Variants in SOX9 observed in about 807,000 individuals in gnomAD.
SOX9 encodes the protein SRY-box transcription factor 9.
Under a neutral mutation model 44.8 loss-of-function variants are expected in SOX9, and 2 were observed. The observed-to-expected ratio is 0.04, with a 90% CI of 0.02 to 0.14. The LOEUF is 0.14. Among genes scored for constraint, SOX9 ranks in the 10% least tolerant of loss-of-function variants. The probability of loss-of-function intolerance (pLI) is 1.00; values close to 1 mark genes in which losing one functional copy is unlikely to be tolerated. For missense variants in SOX9, 583 were observed against 728.6 expected, an observed-to-expected ratio of 0.80 and a Z score of 2.30; for synonymous variants, 381 against 331.8, an observed-to-expected ratio of 1.15 and a Z score of -1.61.
chr17:72,121,927 C>A lies in SOX9; in HGVS notation c.431+105C>A. On this transcript the variant is annotated intron_variant, in intron 1 of 2. Coordinates refer to ENST00000245479, the MANE Select transcript of SOX9 (RefSeq NM_000346.4). This position sits in a 1 kb window ranked among gnomAD's most constrained non-coding sequence, Gnocchi z 8.3. ...CCGCCTCCCATCGCCCGGGAGTTGC[C>A]GTTCCGGGAGCCGGCGGGATGGGGT... 1 of 1,366,066 alleles carries A rather than the reference C, an allele frequency of 7.3e-7. No individual in the cohort carries two copies. Among genetic ancestry groups the A allele is most frequent in the South Asian group, 1.5e-5 (1 of 66,468 alleles). The allele number at this position is 1,366,066 out of a possible 1,614,324, so 84.6% of individuals were successfully genotyped here. A position where few individuals can be genotyped will look rare whatever the true frequency, so the allele number is the denominator to read the frequency against.
chr17:72,121,057 T>C lies in SOX9; in HGVS notation c.-335T>C. On this transcript the variant is annotated 5_prime_UTR_variant, in exon 1 of 3. Transcript: ENST00000245479. This position sits in a 1 kb window ranked among gnomAD's most constrained non-coding sequence, Gnocchi z 8.3. ...GCGGAGCTCGAAACTGACTGGAAAC[T>C]TCAGTGGCGCGGAGACTCGCCAGTT... 2 of 538,460 alleles carry C rather than the reference T, an allele frequency of 3.7e-6. No homozygotes were observed. Among genetic ancestry groups the C allele is most frequent in the Non-Finnish European group, 6.5e-6 (2 of 309,848 alleles). The allele number at this position is 538,460 out of a possible 1,614,324, so 33.4% of individuals were successfully genotyped here.
rs2143253743 is a variant in SOX9, at chr17:72,123,928, G to A, written c.1071G>A (p.Gln357=). 3.9e-6 allele frequency: 5 copies of A among 1,292,238 alleles called. No homozygotes were observed. Among genetic ancestry groups the A allele is most frequent in the Non-Finnish European group, 4.9e-6 (5 of 1,028,402 alleles). The allele number at this position is 1,292,238 out of a possible 1,614,324, so 80.0% of individuals were successfully genotyped here. Residue 357 remains glutamine (Q), a synonymous_variant, in exon 3 of 3, where the codon CAG becomes CAA. Transcript: ENST00000245479. The surrounding 1 kb of genome is among the most constrained non-coding windows in gnomAD (Gnocchi z 6.5). ...QQPPQAPPAP[Q]APPQPQAAPP... ...CCCCACAGGCCCCGCCGGCCCCGCA[G>A]GCGCCCCCGCAGCCGCAGGCGGCGC...
In SOX9 at chr17:72,123,674, G is replaced by A. The variant is rs201477430; in HGVS notation, c.817G>A (p.Val273Met). 6.2e-7 allele frequency: 1 copy of A among 1,611,884 alleles called. No individual in the cohort carries two copies. Among genetic ancestry groups the A allele is most frequent in the Non-Finnish European group, 8.5e-7 (1 of 1,178,700 alleles). Reference protein sequence around the residue: ...GRQPPIDFRDVDIGELSSDVI... With the variant: ...GRQPPIDFRDMDIGELSSDVI... ...ACAGCCCCCTATCGACTTCCGCGAC[G>A]TGGACATCGGCGAGCTGAGCAGCGA... The change falls in exon 3 of 3, where the codon GTG becomes ATG. Residue 273 changes from valine to methionine, a missense_variant. This residue lies in a region of SOX9 where 349 missense variants were observed against 387.0 expected (regional missense o/e 0.90). Coordinates refer to ENST00000245479, the MANE Select transcript of SOX9 (RefSeq NM_000346.4). The surrounding 1 kb of genome is among the most constrained non-coding windows in gnomAD (Gnocchi z 6.5).
chr17:72,123,978 C>G lies in SOX9; in HGVS notation c.1121C>G (p.Pro374Arg), dbSNP rs770013452. ...CCCCCACAGCAGCCGGCGGCACCCCCGCAGCAGCCACAGGCGCACACGCTG... is the reference window on the plus strand; with the variant it reads ...CCCCCACAGCAGCCGGCGGCACCCCGGCAGCAGCCACAGGCGCACACGCTG... ...AAPPQQPAAP[P>R]QQPQAHTLTT... The change falls in exon 3 of 3, where the codon CCG (proline) becomes CGG (arginine). Residue 374 changes from proline to arginine, a missense_variant. Pro to Arg is a moderately radical substitution (Grantham distance 103). Coordinates refer to ENST00000245479, the MANE Select transcript of SOX9 (RefSeq NM_000346.4). This position sits in a 1 kb window ranked among gnomAD's most constrained non-coding sequence, Gnocchi z 6.5. The G allele has an allele frequency of 1.3e-5, 20 of 1,523,486 alleles. No homozygotes were observed. The South Asian group carries it at 2.3e-4, about 18-fold the overall frequency. The allele number at this position is 1,523,486 out of a possible 1,614,324, so 94.4% of individuals were successfully genotyped here.
rs542727010 is a variant in SOX9, at chr17:72,123,956, C to G, written c.1099C>G (p.Pro367Ala). 1.1e-5 allele frequency: 16 copies of G among 1,450,536 alleles called. 1 individual carries two copies. The Admixed American group carries it at 3.4e-4, about 31-fold the overall frequency. 89.9% of individuals were successfully genotyped at this position (1,450,536 alleles called of 1,614,324 possible). Reference sequence around the variant, plus strand: ...GCCCCCGCAGCCGCAGGCGGCGCCCCCACAGCAGCCGGCGGCACCCCCGCA... The same window carrying G: ...GCCCCCGCAGCCGCAGGCGGCGCCCGCACAGCAGCCGGCGGCACCCCCGCA... The part of the protein sequence containing the change: ...QAPPQPQAAP[P>A]QQPAAPPQQP... The change falls in exon 3 of 3, where the codon CCA becomes GCA. Residue 367 changes from proline to alanine, a missense_variant. This residue lies in a region of SOX9 where 349 missense variants were observed against 387.0 expected (regional missense o/e 0.90). Coordinates refer to ENST00000245479, the MANE Select transcript of SOX9 (RefSeq NM_000346.4). The surrounding 1 kb of genome is among the most constrained non-coding windows in gnomAD (Gnocchi z 6.5).
rs370267426 is a variant in SOX9 at position 72,122,767 on chromosome 17, G to A, written c.480G>A (p.Arg160=). ...EKRPFVEEAE[R]LRVQHKKDHP... is the part of the protein sequence containing the mutation. ...GGCCCTTCGTGGAGGAGGCGGAGCG[G>A]CTGCGCGTGCAGCACAAGAAGGACC... The change falls in exon 2 of 3, where the codon CGG becomes CGA. Residue 160 remains arginine (R), a synonymous_variant. Coordinates refer to ENST00000245479, the MANE Select transcript of SOX9 (RefSeq NM_000346.4). 5.2e-5 allele frequency: 84 copies of A among 1,613,954 alleles called. No individual in the cohort carries two copies. The highest frequency in any genetic ancestry group is 1.3e-5 in the African/African-American group (1 of 74,912).
In SOX9 at chr17:72,123,522, T is replaced by A. The variant is rs755278093; in HGVS notation, c.686-21T>A. 1 of 1,613,922 alleles carries A rather than the reference T, an allele frequency of 6.2e-7. No homozygotes were observed. Among genetic ancestry groups the A allele is most frequent in the Admixed American group, 1.7e-5 (1 of 60,008 alleles). On this transcript the variant is annotated intron_variant, in intron 2 of 2. Coordinates refer to ENST00000245479, the MANE Select transcript of SOX9 (RefSeq NM_000346.4). The surrounding 1 kb of genome is among the most constrained non-coding windows in gnomAD (Gnocchi z 6.5). ...ACAGCCCTTGTTGATTTTCTCGTGC[T>A]TGTTCTTTTATTGTCCACAGGGCAA...
Position 72,121,303 on chromosome 17 carries a change from C to G in SOX9, c.-89C>G. On this transcript the variant is annotated 5_prime_UTR_variant, in exon 1 of 3. Coordinates refer to ENST00000245479, the MANE Select transcript of SOX9 (RefSeq NM_000346.4). This position sits in a 1 kb window ranked among gnomAD's most constrained non-coding sequence, Gnocchi z 8.3. ...GCCGCTTGCTCCGCATCCGGGCAGC[C>G]GAGGGGAGAGGAGCCCGCGCCTCGA... is the stretch of plus-strand genomic sequence containing the variant. 4 of 1,234,800 alleles carry G rather than the reference C, an allele frequency of 3.2e-6. No homozygotes were observed. The highest frequency in any genetic ancestry group is 2.4e-5 in the East Asian group (1 of 41,434). The allele number at this position is 1,234,800 out of a possible 1,614,324, so 76.5% of individuals were successfully genotyped here.
At position 72,123,596 on chromosome 17, in the gene SOX9, C is replaced by A. The variant is rs566929141; in HGVS notation, c.739C>A (p.Pro247Thr). 140 of 1,613,976 alleles carry A rather than the reference C, an allele frequency of 8.7e-5. 1 individual carries two copies. The South Asian group carries it at 1.5e-3, about 17-fold the overall frequency. Residue 247 changes from proline (P) to threonine (T), a missense_variant, in exon 3 of 3, where the codon CCG (proline) becomes ACG (threonine). By Grantham distance (38) the Pro-to-Thr change is conservative (BLOSUM62 -1). Around this residue, in one of 7 missense-constraint regions of SOX9, gnomAD observed 349 missense variants for 387.0 expected, o/e 0.90. Coordinates refer to ENST00000245479, the MANE Select transcript of SOX9 (RefSeq NM_000346.4). The surrounding 1 kb of genome is among the most constrained non-coding windows in gnomAD (Gnocchi z 6.5). ...CACCACCCCCAAAACCGACGTGCAG[C>A]CGGGCAAGGCTGACCTGAAGCGAGA... ...PPTTPKTDVQPGKADLKREGR... is the reference protein window; with the variant it reads ...PPTTPKTDVQTGKADLKREGR...
chr17:72,121,658 G>T lies in SOX9; in HGVS notation c.267G>T (p.Val89=), dbSNP rs2143239150. 6.3e-7 allele frequency: 1 copy of T among 1,599,694 alleles called. No homozygotes were observed. Among genetic ancestry groups the T allele is most frequent in the East Asian group, 2.3e-5 (1 of 43,992 alleles). Residue 89 remains valine, a synonymous_variant, in exon 1 of 3, where the codon GTG becomes GTT. Coordinates refer to ENST00000245479, the MANE Select transcript of SOX9 (RefSeq NM_000346.4). The surrounding 1 kb of genome is among the most constrained non-coding windows in gnomAD (Gnocchi z 8.3). The stretch of plus-strand genomic sequence containing the variant: ...TCAAAGGCTACGACTGGACGCTGGT[G>T]CCCATGCCGGTGCGCGTCAACGGCT... The part of the protein sequence containing the change: ...QVLKGYDWTL[V]PMPVRVNGSS...
Position 72,121,938 on chromosome 17 carries a change from C to A in SOX9, c.431+116C>A. 7.7e-7 allele frequency: 1 copy of A among 1,291,750 alleles called. No homozygotes were observed. 80.0% of individuals were successfully genotyped at this position (1,291,750 alleles called of 1,614,324 possible). On this transcript the variant is annotated intron_variant, in intron 1 of 2. Coordinates refer to ENST00000245479, the MANE Select transcript of SOX9 (RefSeq NM_000346.4). This position sits in a 1 kb window ranked among gnomAD's most constrained non-coding sequence, Gnocchi z 8.3. Reference sequence around the variant, plus strand: ...CGCCCGGGAGTTGCCGTTCCGGGAGCCGGCGGGATGGGGTTGGGAGTGGGA... The same window carrying A: ...CGCCCGGGAGTTGCCGTTCCGGGAGACGGCGGGATGGGGTTGGGAGTGGGA...
rs2143246648 is a variant in SOX9 at position 72,122,886 on chromosome 17, C to A, written c.599C>A (p.Pro200His). 6.2e-7 allele frequency: 1 copy of A among 1,614,188 alleles called. No individual in the cohort carries two copies. The highest frequency in any genetic ancestry group is 8.5e-7 in the Non-Finnish European group (1 of 1,180,032). Residue 200 changes from proline to histidine, a missense_variant, in exon 2 of 3, where the codon CCC becomes CAC. Pro to His is a moderately conservative substitution (Grantham distance 77). This residue lies in a region of SOX9 where 88 missense variants were observed against 65.5 expected (regional missense o/e 1.34). Transcript: ENST00000245479. ...GCCACGGAGCAGACGCACATCTCCC[C>A]CAACGCCATCTTCAAGGCGCTGCAG... ...EEATEQTHIS[P>H]NAIFKALQAD...
chr17:72,121,894 GC>G lies in SOX9; in HGVS notation c.431+76del, dbSNP rs926431910. The stretch of plus-strand genomic sequence containing the variant: ...TGGGGGCGCTGGTCAGGGCTGATTT[GC>G]CCCGCCCCGCCTCCCATCGCCCGGG... On this transcript the variant is annotated intron_variant, in intron 1 of 2. Coordinates refer to ENST00000245479, the MANE Select transcript of SOX9 (RefSeq NM_000346.4). The surrounding 1 kb of genome is among the most constrained non-coding windows in gnomAD (Gnocchi z 8.3). 1.4e-6 allele frequency: 2 copies of G among 1,445,544 alleles called. No individual in the cohort carries two copies. Among genetic ancestry groups the G allele is most frequent in the African/African-American group, 2.9e-5 (2 of 69,848 alleles). The allele number at this position is 1,445,544 out of a possible 1,614,324, so 89.5% of individuals were successfully genotyped here.
chr17:72,125,759 CT>C lies in SOX9; in HGVS notation c.*1378del. Reference sequence around the variant, plus strand: ...TGTATAAATGCCTTTTTGTCCATCCCTTTTTTCTTTGTTGTTTTTGTTGAAA... The same window carrying C: ...TGTATAAATGCCTTTTTGTCCATCCCTTTTTCTTTGTTGTTTTTGTTGAAA... On this transcript the variant is annotated 3_prime_UTR_variant, in exon 3 of 3. Transcript: ENST00000245479. The C allele has an allele frequency of 8.8e-6, 2 of 226,714 alleles. No individual in the cohort carries two copies. The highest frequency in any genetic ancestry group is 1.8e-5 in the Non-Finnish European group (2 of 113,860). 14.0% of individuals were successfully genotyped at this position (226,714 alleles called of 1,614,324 possible).
Position 72,121,103 on chromosome 17 carries a change from T to G in SOX9, c.-289T>G. On this transcript the variant is annotated 5_prime_UTR_variant, in exon 1 of 3. Transcript: ENST00000245479. This position sits in a 1 kb window ranked among gnomAD's most constrained non-coding sequence, Gnocchi z 8.3. ...CAGTTTCAACCCCGGAAACTTTTCT[T>G]TGCAGGAGGAGAAGAGAAGGGGTGC... 1 of 546,358 alleles carries G rather than the reference T, an allele frequency of 1.8e-6. No homozygotes were observed. The highest frequency in any genetic ancestry group is 3.2e-5 in the East Asian group (1 of 31,488). 33.8% of individuals were successfully genotyped at this position (546,358 alleles called of 1,614,324 possible).
rs1908094743 is a variant in SOX9, at chr17:72,121,581, A to G, written c.190A>G (p.Ser64Gly). 1 of 1,607,252 alleles carries G rather than the reference A, an allele frequency of 6.2e-7. No individual in the cohort carries two copies. The highest frequency in any genetic ancestry group is 8.5e-7 in the Non-Finnish European group (1 of 1,177,428). ...PKGEPDLKKE[S>G]EEDKFPVCIR... is the part of the protein sequence containing the mutation. ...GGGCGAGCCCGATCTGAAGAAGGAG[A>G]GCGAGGAGGACAAGTTCCCCGTGTG... The change falls in exon 1 of 3, where the codon AGC (serine) becomes GGC (glycine). Residue 64 changes from serine (S) to glycine (G), a missense_variant. Around this residue, in one of 7 missense-constraint regions of SOX9, gnomAD observed 101 missense variants for 98.6 expected, o/e 1.02. Transcript: ENST00000245479. The surrounding 1 kb of genome is among the most constrained non-coding windows in gnomAD (Gnocchi z 8.3).
At position 72,122,763 on chromosome 17, in the gene SOX9, A is replaced by G. The variant is rs1908141070; in HGVS notation, c.476A>G (p.Glu159Gly). 1 of 1,613,862 alleles carries G rather than the reference A, an allele frequency of 6.2e-7. No homozygotes were observed. The highest frequency in any genetic ancestry group is 8.5e-7 in the Non-Finnish European group (1 of 1,179,962). ...AAGCGGCCCTTCGTGGAGGAGGCGG[A>G]GCGGCTGCGCGTGCAGCACAAGAAG... ...SEKRPFVEEAERLRVQHKKDH... is the reference protein window; with the variant it reads ...SEKRPFVEEAGRLRVQHKKDH... Residue 159 changes from glutamate to glycine, a missense_variant, in exon 2 of 3, where the codon GAG becomes GGG. Coordinates refer to ENST00000245479, the MANE Select transcript of SOX9 (RefSeq NM_000346.4).
In SOX9 at chr17:72,123,927, AGGCGCCCCCGCAGCCGCAGGC is replaced by A. The variant is rs772713612; in HGVS notation, c.1080_1100del (p.Pro362_Gln368del). 4.2e-5 allele frequency: 54 copies of A among 1,290,400 alleles called. No homozygotes were observed. Among genetic ancestry groups the A allele is most frequent in the Middle Eastern group, 2.8e-4 (1 of 3,618 alleles). 79.9% of individuals were successfully genotyped at this position (1,290,400 alleles called of 1,614,324 possible). A position where few individuals can be genotyped will look rare whatever the true frequency, so the allele number is the denominator to read the frequency against. ...CCCCCACAGGCCCCGCCGGCCCCGC[AGGCGCCCCCGCAGCCGCAGGC>A]GGCGCCCCCACAGCAGCCGGCGGCA... On this transcript the variant is annotated inframe_deletion, in exon 3 of 3. Coordinates refer to ENST00000245479, the MANE Select transcript of SOX9 (RefSeq NM_000346.4). This position sits in a 1 kb window ranked among gnomAD's most constrained non-coding sequence, Gnocchi z 6.5.
intron 1 of SOX9, 89 bp from the exon 2 acceptor site, chr17:72,122,630 C>T (rs1908134813): frequency 7.3e-6 from 10 of 1,367,524 alleles, no homozygotes; most frequent in Non-Finnish European, 8.1e-6. Flanking sequence ...TCTGGGTCGC[C>T]GCCTCCTCCC....
Sources: gnomAD v4.1 joint callset for allele counts on GRCh38, gnomAD v4.1.1 for gene constraint, gnomAD v4.1.1 regional missense constraint, Gnocchi (gnomAD v3.1) non-coding constraint, MANE v1.5 for transcripts, NCBI Gene and HGNC (gene_info 2026-07-23, HGNC 2026-07-21) for gene names.